PLEKHA7: variants seen among roughly 807,000 people sequenced by gnomAD.
PLEKHA7 encodes the protein pleckstrin homology domain-containing family A member 7.
PLEKHA7 carries 104 observed loss-of-function variants against 170.0 expected under a neutral mutation model. The observed-to-expected ratio is 0.61, with a 90% CI of 0.52 to 0.72. PLEKHA7 has a LOEUF of 0.72. Ranked by LOEUF, PLEKHA7 falls within the 30% of genes least tolerant of loss-of-function variation. The pLI is 0.00. For missense variants in PLEKHA7, 1,615 were observed against 1,671.7 expected (o/e 0.97, Z 0.59); for synonymous variants, 648 against 660.8 (o/e 0.98, Z 0.30).
chr11:16,852,231 C>T (rs1211223387), intron 7 of PLEKHA7, 52 bp downstream of exon 7: 1 of 1,521,266 alleles, frequency 6.6e-7, no homozygotes. Flanking sequence ...CAACCATCCA[C>T]ATATGTAAAA....
At chr11:17,002,007 C>T (rs974041592) in intron 3 of PLEKHA7, among the ~76,000 whole-genome samples, 4 of 152,232 alleles carry the variant, frequency 2.6e-5, no homozygotes, top group African/African-American at 9.6e-5. Flanking sequence ...TCATAGGCCC[C>T]TAAGCTAAGG....
chr11:16,816,194 C>T lies in PLEKHA7; in HGVS notation c.1937G>A (p.Ser646Asn), dbSNP rs747837104. 6.2e-7 allele frequency: 1 copy of T among 1,613,376 alleles called. No homozygotes were observed. The highest frequency in any genetic ancestry group is 8.5e-7 in the Non-Finnish European group (1 of 1,179,330). ...TCACCCTACCGATTTTCCATGTAAA[C>T]TGGGAGCGCTGACGGTGTGGGTCAT... ...GYMTHTVSAPSLHGKSADDTY... is the reference protein window; with the variant it reads ...GYMTHTVSAPNLHGKSADDTY... The change falls in exon 12 of 27, where the codon AGT becomes AAT. Residue 646 changes from serine (S) to asparagine (N), a missense_variant. Physicochemically the swap from Ser to Asn is conservative, Grantham distance 46. Coordinates refer to ENST00000531066, the MANE Select transcript of PLEKHA7 (RefSeq NM_001329630.2).
At chr11:16,935,483 G>A (rs1274056024) in intron 3 of PLEKHA7, among the ~76,000 whole-genome samples, 1 of 152,194 alleles carries the variant, frequency 6.6e-6, no homozygotes, top group African/African-American at 2.4e-5. Flanking sequence ...GCATGTCAGT[G>A]CCCACTGCTA....
At chr11:16,882,867 C>T (rs1203689876) in intron 3 of PLEKHA7, among the ~76,000 whole-genome samples, 1 of 45,950 alleles carries the variant, frequency 2.2e-5, no homozygotes, top group Admixed American at 1.8e-4. Flanking sequence ...TATTCACACA[C>T]ACACATACAC....
At chr11:16,826,929 C>T (rs1005991196) in intron 9 of PLEKHA7, among the ~76,000 whole-genome samples, 11 of 152,204 alleles carry the variant, frequency 7.2e-5, no homozygotes, top group African/African-American at 2.4e-4. Context: ...GCCCACCTGG[C>T]TGATCATCAT....
intron 3 of PLEKHA7, among the ~76,000 whole-genome samples, chr11:17,003,898 C>G (rs894287866): frequency 6.6e-6 from 1 of 152,110 alleles, no homozygotes; most frequent in African/African-American, 2.4e-5. Flanking sequence ...AAAGACAATC[C>G]AAGGTTACCA....
chr11:16,805,802 AAAAAAC>A (rs1261624872), intron 13 of PLEKHA7, among the ~76,000 whole-genome samples: 65 of 143,110 alleles, frequency 4.5e-4, no homozygotes, highest in African/African-American at 1.7e-3. Context: ...AAAAAAAAAA[AAAAAAC>A]AAAAACAAAA....
At chr11:16,844,835 G>T (rs760289336) in intron 8 of PLEKHA7, among the ~76,000 whole-genome samples, 9 of 152,280 alleles carry the variant, frequency 5.9e-5, no homozygotes, top group Non-Finnish European at 1.0e-4. Flanking sequence ...GCACCCAAAA[G>T]GCCAGGGCCC....
intron 3 of PLEKHA7, among the ~76,000 whole-genome samples, chr11:16,892,428 GTGTGTGTTT>G (rs1429313270): frequency 0.015 from 1,015 of 66,866 alleles, 13 homozygotes; most frequent in African/African-American, 0.039. Context: ...GTGTGTGTGT[GTGTGTGTTT>G]TGTTTTGTTT....
chr11:16,959,926 G>A (rs1044191757), intron 3 of PLEKHA7, among the ~76,000 whole-genome samples: 2 of 152,092 alleles, frequency 1.3e-5, no homozygotes, highest in South Asian at 2.1e-4. Context: ...CCAACTGAAG[G>A]AGCCCAGGTA....
At chr11:16,988,711 G>A (rs562490056) in intron 3 of PLEKHA7, among the ~76,000 whole-genome samples, 2 of 152,340 alleles carry the variant, frequency 1.3e-5, no homozygotes, top group Admixed American at 1.3e-4. Flanking sequence ...CTCCCAAGGT[G>A]CTGGGATTAT....
intron 3 of PLEKHA7, among the ~76,000 whole-genome samples, chr11:16,943,093 A>C (rs1410105004): frequency 6.6e-6 from 1 of 152,238 alleles, no homozygotes; most frequent in African/African-American, 2.4e-5. Context: ...CACTTAAAGC[A>C]CCAGTATCTG....
chr11:16,860,802 G>A (rs1036234481), intron 4 of PLEKHA7, among the ~76,000 whole-genome samples: 12 of 152,144 alleles, frequency 7.9e-5, no homozygotes, highest in South Asian at 2.1e-4. Context: ...TTGTGGTGGT[G>A]GAAAGAGCAA....
chr11:16,952,213 T>C (rs987126747), intron 3 of PLEKHA7, among the ~76,000 whole-genome samples: 1 of 152,138 alleles, frequency 6.6e-6, no homozygotes, highest in East Asian at 1.9e-4. Flanking sequence ...TCCCGATGAA[T>C]GGATGTAGGT....
intron 4 of PLEKHA7, among the ~76,000 whole-genome samples, chr11:16,861,709 C>T (rs1473048605): frequency 6.6e-6 from 1 of 152,092 alleles, no homozygotes; most frequent in Non-Finnish European, 1.5e-5. Flanking sequence ...TAAGGAAACA[C>T]AAATCTTTTA....
intron 3 of PLEKHA7, among the ~76,000 whole-genome samples, chr11:16,939,193 T>A (rs570304090): frequency 6.6e-6 from 1 of 152,208 alleles, no homozygotes; most frequent in Admixed American, 6.5e-5. Flanking sequence ...AGGTAGATCA[T>A]CTTGATGCCA....
In PLEKHA7 at chr11:16,800,968, G is replaced by T. The variant is rs777474715; in HGVS notation, c.2409+6C>A. The T allele has an allele frequency of 7.5e-6, 12 of 1,610,216 alleles. No homozygotes were observed. The highest frequency in any genetic ancestry group is 5.3e-5 in the African/African-American group (4 of 74,860). On this transcript the variant is annotated splice_donor_region_variant and intron_variant, in intron 17 of 26. Coordinates refer to ENST00000531066, the MANE Select transcript of PLEKHA7 (RefSeq NM_001329630.2). Reference sequence around the variant, plus strand: ...GCTCAGAAGAGATGGACAGGTATCAGGTCACCTGGAAAAAAAAGGCTCTTC... The same window carrying T: ...GCTCAGAAGAGATGGACAGGTATCATGTCACCTGGAAAAAAAAGGCTCTTC...
chr11:16,958,535 T>A (rs1249618980), intron 3 of PLEKHA7, among the ~76,000 whole-genome samples: 8 of 152,178 alleles, frequency 5.3e-5, no homozygotes, highest in Admixed American at 5.2e-4. Flanking sequence ...TAACTCTGGA[T>A]GGAGGAATAA....
At chr11:16,798,851 A>G (rs1281431812) in intron 17 of PLEKHA7, among the ~76,000 whole-genome samples, 2 of 152,316 alleles carry the variant, frequency 1.3e-5, no homozygotes, top group South Asian at 2.1e-4. Context: ...AGTTACACAA[A>G]TCCTTATCAC....
Sources: gnomAD v4.1 joint callset for allele counts (sites outside exome capture counted in the v4.1 genomes callset) on GRCh38, gnomAD v4.1.1 for gene constraint, MANE v1.5 for transcripts, NCBI Gene and HGNC (gene_info 2026-07-23, HGNC 2026-07-21) for gene names.